NCAM2: variants seen among roughly 807,000 people sequenced by gnomAD.
The protein encoded by NCAM2 is neural cell adhesion molecule 2, also known as N-CAM-2.
A neutral mutation model predicts 98.1 loss-of-function variants in NCAM2; 30 were observed. The ratio of observed to expected loss-of-function variants is 0.31; its 90% CI spans 0.23 to 0.41. The LOEUF (loss-of-function observed/expected upper bound fraction) is 0.41, where lower values mean the gene tolerates loss of function less well. Among genes scored for constraint, NCAM2 ranks in the 10% least tolerant of loss-of-function variants. The pLI is 1.00. For synonymous variants in NCAM2, 368 were observed against 342.4 expected, an observed-to-expected ratio of 1.07 and a Z score of -0.83; for missense variants, 867 against 1,005.8, an observed-to-expected ratio of 0.86 and a Z score of 1.87.
Position 21,250,670 on chromosome 21 carries a change from G to A in NCAM2, c.56-29908G>A, listed in dbSNP as rs562870892. Among the ~76,000 whole-genome samples, 4 of 152,152 alleles carry A rather than the reference G, an allele frequency of 2.6e-5. No homozygotes were observed. In the East Asian group the frequency reaches 5.8e-4, roughly 22 times the overall value. ...AAAATTCATGTTTTTAAAAAACAAC[G>A]TTGTGGGACAAACAAAACATTTCTA... On this transcript the variant is annotated intron_variant, in intron 1 of 17. Coordinates refer to ENST00000400546, the MANE Select transcript of NCAM2 (RefSeq NM_004540.5).
chr21:21,170,976 TTCTGC>T, intron 1 of NCAM2, among the ~76,000 whole-genome samples: 1 of 152,186 alleles, frequency 6.6e-6, no homozygotes, highest in Non-Finnish European at 1.5e-5. Context: ...AGTTGTGAAC[TTCTGC>T]CTTTCATTTA....
At chr21:21,191,705 T>A (rs1272535723) in intron 1 of NCAM2, among the ~76,000 whole-genome samples, 1 of 152,180 alleles carries the variant, frequency 6.6e-6, no homozygotes, top group Non-Finnish European at 1.5e-5. Flanking sequence ...TTAATTATCA[T>A]CATTAATTTA....
At chr21:21,390,537 A>G (rs1371746278) in intron 9 of NCAM2, among the ~76,000 whole-genome samples, 1 of 152,186 alleles carries the variant, frequency 6.6e-6, no homozygotes, top group African/African-American at 2.4e-5. Context: ...AGTGCATTTC[A>G]TAGTGTTATT....
intron 1 of NCAM2, among the ~76,000 whole-genome samples, chr21:21,090,065 C>T (rs2065982209): frequency 6.6e-6 from 1 of 152,128 alleles, no homozygotes; most frequent in African/African-American, 2.4e-5. Context: ...AAGCATGGAC[C>T]TAGGACCTGT....
intron 1 of NCAM2, among the ~76,000 whole-genome samples, chr21:21,068,135 CTTTTT>C (rs68078560): frequency 1.1e-5 from 1 of 88,556 alleles, no homozygotes; most frequent in Middle Eastern, 5.9e-3. Context: ...ACTTTTTTTT[CTTTTT>C]TTTTTTTTTT....
chr21:21,109,003 T>A (rs2146518994), intron 1 of NCAM2, among the ~76,000 whole-genome samples: 1 of 152,306 alleles, frequency 6.6e-6, no homozygotes, highest in African/African-American at 2.4e-5. Flanking sequence ...TTTACACAAA[T>A]ATTTTTCCTT....
chr21:21,518,916 T>C (rs933147259), intron 16 of NCAM2, among the ~76,000 whole-genome samples: 2 of 152,148 alleles, frequency 1.3e-5, no homozygotes, highest in African/African-American at 4.8e-5. Flanking sequence ...GGCAGGATGT[T>C]AAGTTGTTAT....
chr21:21,468,862 A>G, intron 14 of NCAM2, 79 bp downstream of exon 14: 1 of 1,278,056 alleles, frequency 7.8e-7, no homozygotes, highest in Non-Finnish European at 1.1e-6. Context: ...TAAACATATC[A>G]GGAGAGAATG....
chr21:21,168,867 C>T lies in NCAM2; in HGVS notation c.56-111711C>T, dbSNP rs546597490. ...ATATTGTCAGGATGCCAGTTTTTTCCGACTTTATCTATAGATTCAACATAA... is the reference window on the plus strand; with the variant it reads ...ATATTGTCAGGATGCCAGTTTTTTCTGACTTTATCTATAGATTCAACATAA... On this transcript the variant is annotated intron_variant, in intron 1 of 17. Transcript: ENST00000400546. 1.5e-4 allele frequency among the ~76,000 whole-genome samples: 23 copies of T among 151,990 alleles called. 1 individual carries two copies. In the South Asian group the frequency reaches 3.1e-3, roughly 21 times the overall value.
chr21:21,122,682 G>A (rs375237192), intron 1 of NCAM2, among the ~76,000 whole-genome samples: 6 of 152,136 alleles, frequency 3.9e-5, no homozygotes, highest in East Asian at 3.9e-4. Flanking sequence ...TATGGCTTAC[G>A]TCTTTCACCA....
chr21:21,511,492 C>G (rs1988376443), intron 16 of NCAM2, among the ~76,000 whole-genome samples: 1 of 151,954 alleles, frequency 6.6e-6, no homozygotes, highest in Non-Finnish European at 1.5e-5. Context: ...TTCATCCATT[C>G]ATCCATGGAT....
intron 1 of NCAM2, among the ~76,000 whole-genome samples, chr21:21,172,911 A>G (rs1276472521): frequency 1.3e-5 from 2 of 152,098 alleles, no homozygotes; most frequent in African/African-American, 4.8e-5. Flanking sequence ...AGAAAATAAA[A>G]TATTTTTGTT....
intron 1 of NCAM2, among the ~76,000 whole-genome samples, chr21:21,240,583 T>C (rs935194051): frequency 2.0e-5 from 3 of 152,172 alleles, no homozygotes; most frequent in Non-Finnish European, 4.4e-5. Context: ...ACGTTGTCTC[T>C]GGAGAAATCC....
At position 21,540,253 on chromosome 21, in the gene NCAM2, TCATATATATATACA is replaced by T. The variant is rs1271572160; in HGVS notation, c.*2309_*2322del. On this transcript the variant is annotated 3_prime_UTR_variant, in exon 18 of 18. Transcript: ENST00000400546. ...CCTTGTAAAGAAATTGACATATATTTCATATATATATACACATATATATATATACACATATATAT... is the reference window on the plus strand; with the variant it reads ...CCTTGTAAAGAAATTGACATATATTTCATATATATATATACACATATATAT... 1 of 145,596 alleles carries T rather than the reference TCATATATATATACA, an allele frequency of 6.9e-6. No homozygotes were observed. Among genetic ancestry groups the T allele is most frequent in the Non-Finnish European group, 1.5e-5 (1 of 66,746 alleles). 9.0% of individuals were successfully genotyped at this position (145,596 alleles called of 1,614,324 possible).
intron 5 of NCAM2, among the ~76,000 whole-genome samples, chr21:21,313,240 G>T (rs1267186253): frequency 1.3e-5 from 2 of 150,790 alleles, no homozygotes; most frequent in Non-Finnish European, 1.5e-5. Flanking sequence ...ATTTTATATT[G>T]TTTTCTTCCT....
chr21:21,436,147 A>T (rs1978319994), intron 12 of NCAM2, among the ~76,000 whole-genome samples: 2 of 152,242 alleles, frequency 1.3e-5, no homozygotes, highest in Admixed American at 6.5e-5. Flanking sequence ...TCATAATTAT[A>T]TTTACTGTAA....
At chr21:21,178,366 C>A (rs530155062) in intron 1 of NCAM2, among the ~76,000 whole-genome samples, 166 of 152,142 alleles carry the variant, frequency 1.1e-3, no homozygotes, top group African/African-American at 3.8e-3. Context: ...GTCACTACTG[C>A]CTTCTTTTAA....
intron 11 of NCAM2, among the ~76,000 whole-genome samples, chr21:21,430,605 T>C (rs1357181551): frequency 6.6e-6 from 1 of 151,786 alleles, no homozygotes; most frequent in Non-Finnish European, 1.5e-5. Context: ...CAGACCTTTA[T>C]AAAAACGGGA....
chr21:21,349,023 T>C (rs998744102), intron 8 of NCAM2, among the ~76,000 whole-genome samples: 2 of 152,128 alleles, frequency 1.3e-5, no homozygotes, highest in African/African-American at 4.8e-5. Context: ...GACATTGACC[T>C]GGGCATAATT....
Sources: allele counts gnomAD v4.1 joint callset (sites outside exome capture counted in the v4.1 genomes callset), GRCh38; gene constraint gnomAD v4.1.1; transcripts MANE v1.5; gene names NCBI Gene and HGNC (gene_info 2026-07-23, HGNC 2026-07-21).